EML6: variants seen among roughly 807,000 people sequenced by gnomAD.
The protein encoded by EML6 is EMAP like 6.
Under a neutral mutation model 240.1 loss-of-function variants are expected in EML6, and 154 were observed. The ratio of observed to expected loss-of-function variants is 0.64; its 90% CI spans 0.56 to 0.73. EML6 has a LOEUF of 0.73. EML6 is among the 30% of genes least tolerant of loss of function. The pLI is 0.00. For synonymous variants in EML6, 1,148 were observed against 899.0 expected (o/e 1.28, Z -4.95); for missense variants, 2,964 against 2,474.6 (o/e 1.20, Z -4.20).
Position 54,866,810 on chromosome 2 carries a change from GA to G in EML6, c.1982del (p.Asn661ThrfsTer17). ...CTCAGCTAAAGCAACAAAGTAAAGA[GA>G]AAAACCACGCAGTGCCCTTCCTCAA... ...LPQLKQQSKEKNHAVPFLKRE... is the reference protein window; with the variant it reads ...LPQLKQQSKEXNHAVPFLKRE... On this transcript the variant is annotated frameshift_variant, in exon 14 of 42. Transcript: ENST00000356458. LOFTEE classifies it high-confidence loss of function. The G allele has an allele frequency of 6.4e-7, 1 of 1,551,162 alleles. No homozygotes were observed. Among genetic ancestry groups the G allele is most frequent in the South Asian group, 1.2e-5 (1 of 84,026 alleles).
chr2:54,829,314 AT>A, intron 6 of EML6, 27 bp from the exon 7 acceptor site: 4 of 1,548,326 alleles, frequency 2.6e-6, no homozygotes, highest in African/African-American at 2.7e-5. Flanking sequence ...TGGTTGCACC[AT>A]TGAGTATTAC....
rs1357391067 is a variant in EML6 at position 54,801,877 on chromosome 2, G to C, written c.198-11355G>C. Among the ~76,000 whole-genome samples, 4 of 152,112 alleles carry C rather than the reference G, an allele frequency of 2.6e-5. No individual in the cohort carries two copies. The East Asian group carries it at 7.7e-4, about 29-fold the overall frequency. On this transcript the variant is annotated intron_variant, in intron 2 of 41. Coordinates refer to ENST00000356458, the MANE Select transcript of EML6 (RefSeq NM_001039753.4). Reference sequence around the variant, plus strand: ...TTTAAAAACTGGATTTTAGTCTTCTGGATAACGATTTCTTGAACTACTGTT... The same window carrying C: ...TTTAAAAACTGGATTTTAGTCTTCTCGATAACGATTTCTTGAACTACTGTT...
intron 13 of EML6, among the ~76,000 whole-genome samples, chr2:54,864,453 A>C (rs1440228869): frequency 6.6e-6 from 1 of 152,218 alleles, no homozygotes; most frequent in Non-Finnish European, 1.5e-5. Context: ...TTTTTTTGGA[A>C]GTTGACATAT....
chr2:54,765,212 A>G (rs2103776719), intron 2 of EML6, among the ~76,000 whole-genome samples: 1 of 152,320 alleles, frequency 6.6e-6, no homozygotes. Context: ...ATAATTTAAC[A>G]CACATAAGCA....
chr2:54,784,358 A>G (rs1668985079), intron 2 of EML6, among the ~76,000 whole-genome samples: 5 of 152,248 alleles, frequency 3.3e-5, no homozygotes, highest in African/African-American at 1.2e-4. Context: ...ATAAATATTT[A>G]TGAGTAGAAT....
In EML6 at chr2:54,844,156, C is replaced by A. The variant is rs1269381239; in HGVS notation, c.957C>A (p.Ile319=). The A allele has an allele frequency of 1.3e-6, 2 of 1,551,586 alleles. No individual in the cohort carries two copies. The highest frequency in any genetic ancestry group is 1.2e-5 in the South Asian group (1 of 84,066). The part of the protein sequence containing the change: ...IVRERDKPML[I]LQGHCEGELW... ...GAGAGCGAGACAAGCCGATGTTGAT[C>A]CTACAGGGCCACTGCGAGGGTGAGC... is the stretch of plus-strand genomic sequence containing the variant. The change falls in exon 8 of 42, where the codon ATC becomes ATA. Residue 319 remains isoleucine (I), a synonymous_variant. Coordinates refer to ENST00000356458, the MANE Select transcript of EML6 (RefSeq NM_001039753.4).
intron 8 of EML6, 140 bp downstream of exon 8, chr2:54,844,388 G>A: frequency 1.5e-6 from 1 of 674,548 alleles, no homozygotes; most frequent in Non-Finnish European, 2.5e-6. Flanking sequence ...AGCTCATCAA[G>A]TGGGTTTTTG....
intron 21 of EML6, among the ~76,000 whole-genome samples, chr2:54,897,993 G>A (rs1369974734): frequency 2.6e-5 from 4 of 152,086 alleles, no homozygotes; most frequent in Admixed American, 6.5e-5. Flanking sequence ...GCCGGTTTTG[G>A]TGGCACGGCA....
At chr2:54,733,349 A>G (rs1419369579) in intron 2 of EML6, among the ~76,000 whole-genome samples, 1 of 152,238 alleles carries the variant, frequency 6.6e-6, no homozygotes, top group African/African-American at 2.4e-5. Flanking sequence ...TAGGAATAAA[A>G]CAAGACTCAC....
chr2:54,891,372 A>C (rs912762623), intron 18 of EML6, among the ~76,000 whole-genome samples: 2 of 152,230 alleles, frequency 1.3e-5, no homozygotes, highest in Admixed American at 6.5e-5. Flanking sequence ...AGCTTTGGAA[A>C]ATGTTCTGCT....
intron 2 of EML6, among the ~76,000 whole-genome samples, chr2:54,729,635 C>T (rs1354235084): frequency 6.6e-6 from 1 of 152,180 alleles, no homozygotes; most frequent in Non-Finnish European, 1.5e-5. Context: ...CCAGATTGGT[C>T]TGATTCCAAA....
intron 15 of EML6, among the ~76,000 whole-genome samples, chr2:54,870,997 G>A (rs570600172): frequency 3.9e-5 from 6 of 152,168 alleles, no homozygotes; most frequent in Non-Finnish European, 8.8e-5. Context: ...TTGTATCCCT[G>A]CAAAGATAAT....
rs1351692180 is a variant in EML6, at chr2:54,849,908, T to A, written c.1188-54T>A. On this transcript the variant is annotated intron_variant, in intron 9 of 41. Coordinates refer to ENST00000356458, the MANE Select transcript of EML6 (RefSeq NM_001039753.4). ...TTTCTGACACATATATTTTAAAACT[T>A]GGATTTTCTATTTGTAGAATTGCTG... The A allele has an allele frequency of 2.1e-6, 3 of 1,452,510 alleles. No homozygotes were observed. In the East Asian group the frequency reaches 7.4e-5, roughly 36 times the overall value. The allele number at this position is 1,452,510 out of a possible 1,614,324, so 90.0% of individuals were successfully genotyped here. A position where few individuals can be genotyped will look rare whatever the true frequency, so the allele number is the denominator to read the frequency against.
rs73936458 is a variant in EML6, at chr2:54,774,454, C to G, written c.198-38778C>G. On this transcript the variant is annotated intron_variant, in intron 2 of 41. Coordinates refer to ENST00000356458, the MANE Select transcript of EML6 (RefSeq NM_001039753.4). This position sits in a 1 kb window ranked among gnomAD's most constrained non-coding sequence, Gnocchi z 4.1. Reference sequence around the variant, plus strand: ...CCCTGAAGAGCCTGACAGACAGAGGCCTTCTGGCCAACAGCACTACCAGCA... The same window carrying G: ...CCCTGAAGAGCCTGACAGACAGAGGGCTTCTGGCCAACAGCACTACCAGCA... 0.043 allele frequency among the ~76,000 whole-genome samples: 6,495 copies of G among 152,202 alleles called. 454 individuals are homozygous for G. The highest frequency in any genetic ancestry group is 0.14 in the African/African-American group (5,993 of 41,498).
intron 41 of EML6, among the ~76,000 whole-genome samples, chr2:54,969,485 C>T (rs1676897160): frequency 6.6e-6 from 1 of 152,220 alleles, no homozygotes; most frequent in Non-Finnish European, 1.5e-5. Context: ...CTGGCTACTT[C>T]TGGCACTTAT....
chr2:54,915,767 G>T (rs921302268), intron 25 of EML6, among the ~76,000 whole-genome samples: 4 of 152,090 alleles, frequency 2.6e-5, no homozygotes, highest in African/African-American at 9.7e-5. Flanking sequence ...TTAGCAGCGT[G>T]CAAAACAGTT....
chr2:54,855,351 G>A (rs1401674406), intron 11 of EML6, among the ~76,000 whole-genome samples: 1 of 152,092 alleles, frequency 6.6e-6, no homozygotes, highest in East Asian at 1.9e-4. Flanking sequence ...ACACTTGTGA[G>A]CAAGCAGATC....
intron 2 of EML6, among the ~76,000 whole-genome samples, chr2:54,761,104 G>A (rs1667961955): frequency 6.6e-6 from 1 of 152,074 alleles, no homozygotes; most frequent in South Asian, 2.1e-4. Context: ...CTTAGTGGTA[G>A]TGCAGCCAAA....
chr2:54,756,466 G>A (rs1391868820), intron 2 of EML6, among the ~76,000 whole-genome samples: 1 of 152,126 alleles, frequency 6.6e-6, no homozygotes, highest in East Asian at 1.9e-4. Context: ...CTGTGAGCAT[G>A]CTGTTTATAC....
Sources: allele counts gnomAD v4.1 joint callset (sites outside exome capture counted in the v4.1 genomes callset), GRCh38; gene constraint gnomAD v4.1.1; non-coding constraint Gnocchi (gnomAD v3.1); transcripts MANE v1.5; gene names NCBI Gene and HGNC (gene_info 2026-07-23, HGNC 2026-07-21).